The following ATG2B variants were observed in gnomAD, a reference collection of about 807,000 sequenced individuals.
ATG2B encodes the protein autophagy related 2B, also known as autophagy-related protein 2 homolog B.
A neutral mutation model predicts 241.3 loss-of-function variants in ATG2B; 121 were observed. That is an observed-to-expected ratio of 0.50 (90% CI 0.43 to 0.58). The LOEUF (loss-of-function observed/expected upper bound fraction) is 0.58. Ranked by LOEUF, ATG2B falls within the 20% of genes least tolerant of loss-of-function variation. The probability of loss-of-function intolerance (pLI) is 0.00; values close to 1 mark genes in which losing one functional copy is unlikely to be tolerated. For synonymous variants in ATG2B, 858 were observed against 876.6 expected (o/e 0.98, Z 0.37); for missense variants, 2,306 against 2,491.6 (o/e 0.93, Z 1.59).
intron 34 of ATG2B, among the ~76,000 whole-genome samples, chr14:96,301,110 T>C (rs1176230570): frequency 6.6e-6 from 1 of 152,246 alleles, no homozygotes; most frequent in Non-Finnish European, 1.5e-5. Flanking sequence ...ATATGTTATG[T>C]TATTATTAAA....
In ATG2B at chr14:96,290,008, C is replaced by A; in HGVS notation, c.5857-203G>T. ...CATAAAAGTATAAATTAATAACTAA[C>A]ACCTGGATTGAGCTAAATTTTTAGC... On this transcript the variant is annotated intron_variant, in intron 40 of 41. Coordinates refer to ENST00000359933, the MANE Select transcript of ATG2B (RefSeq NM_018036.7). This position sits in a 1 kb window ranked among gnomAD's most constrained non-coding sequence, Gnocchi z 4.4. The A allele has an allele frequency of 2.3e-6, 2 of 871,816 alleles. No individual in the cohort carries two copies. The highest frequency in any genetic ancestry group is 1.7e-5 in the African/African-American group (1 of 58,822). 54.0% of individuals were successfully genotyped at this position (871,816 alleles called of 1,614,324 possible). A position where few individuals can be genotyped will look rare whatever the true frequency, so the allele number is the denominator to read the frequency against.
intron 1 of ATG2B, among the ~76,000 whole-genome samples, chr14:96,348,488 G>A (rs1241101759): frequency 6.6e-6 from 1 of 152,102 alleles, no homozygotes; most frequent in African/African-American, 2.4e-5. Context: ...TTCGAGACCA[G>A]CCTGGCCAAC....
chr14:96,340,076 T>TA, intron 6 of ATG2B, among the ~76,000 whole-genome samples: 1 of 114,218 alleles, frequency 8.8e-6, no homozygotes, highest in South Asian at 2.5e-4. Flanking sequence ...ATATGTGATA[T>TA]GATATATATG....
At chr14:96,308,219 A>T (rs1359551333) in intron 29 of ATG2B, among the ~76,000 whole-genome samples, 8 of 74,032 alleles carry the variant, frequency 1.1e-4, no homozygotes, top group Non-Finnish European at 2.2e-4. Context: ...TAAATACATA[A>T]ATATATATAT....
chr14:96,315,320 C>A, intron 22 of ATG2B, 64 bp downstream of exon 22: 1 of 1,586,630 alleles, frequency 6.3e-7, no homozygotes, highest in Non-Finnish European at 8.6e-7. Context: ...AATATGTTGC[C>A]TTTTATGTAA....
At position 96,282,778 on chromosome 14, in the gene ATG2B, T is replaced by A. The variant is rs776292887; in HGVS notation, c.*2977A>T. 6.6e-6 allele frequency: 1 copy of A among 152,238 alleles called. No individual in the cohort carries two copies. The highest frequency in any genetic ancestry group is 2.4e-5 in the African/African-American group (1 of 41,464). 9.4% of individuals were successfully genotyped at this position (152,238 alleles called of 1,614,324 possible). On this transcript the variant is annotated 3_prime_UTR_variant, in exon 42 of 42. Coordinates refer to ENST00000359933, the MANE Select transcript of ATG2B (RefSeq NM_018036.7). Reference sequence around the variant, plus strand: ...TACAGAACATCGTTTTTAAAGGAGATAGTTAAAAAGTAATGCCCTAAAAGC... The same window carrying A: ...TACAGAACATCGTTTTTAAAGGAGAAAGTTAAAAAGTAATGCCCTAAAAGC...
chr14:96,316,564 A>T lies in ATG2B; in HGVS notation c.3330T>A (p.Leu1110=). 6.2e-7 allele frequency: 1 copy of T among 1,613,700 alleles called. No homozygotes were observed. The highest frequency in any genetic ancestry group is 8.5e-7 in the Non-Finnish European group (1 of 1,179,840). The change falls in exon 21 of 42, where the codon CTT becomes CTA. Residue 1110 remains leucine (L), a synonymous_variant. Coordinates refer to ENST00000359933, the MANE Select transcript of ATG2B (RefSeq NM_018036.7). ...GGTACAGACTGAAACTGCTAGAATG[A>T]AGGCAAATGTAGTGCTTGTCATCAA... ...EGFDDKHYIC[L]HSSSFSLYHK...
chr14:96,295,469 A>G lies in ATG2B; in HGVS notation c.5218+13T>C, dbSNP rs1886611394. On this transcript the variant is annotated intron_variant, in intron 35 of 41. Coordinates refer to ENST00000359933, the MANE Select transcript of ATG2B (RefSeq NM_018036.7). Reference sequence around the variant, plus strand: ...TACTTGGTATAGTCTTTTCAACTATACATATTTAATACCTTCTGGATCTGG... The same window carrying G: ...TACTTGGTATAGTCTTTTCAACTATGCATATTTAATACCTTCTGGATCTGG... 1.3e-6 allele frequency: 2 copies of G among 1,549,644 alleles called. No individual in the cohort carries two copies. The highest frequency in any genetic ancestry group is 2.4e-5 in the South Asian group (2 of 83,724).
chr14:96,290,404 T>C lies in ATG2B; in HGVS notation c.5856+32A>G. 4 of 1,596,678 alleles carry C rather than the reference T, an allele frequency of 2.5e-6. No individual in the cohort carries two copies. Among genetic ancestry groups the C allele is most frequent in the Non-Finnish European group, 3.4e-6 (4 of 1,169,636 alleles). On this transcript the variant is annotated intron_variant, in intron 40 of 41. Transcript: ENST00000359933. This position sits in a 1 kb window ranked among gnomAD's most constrained non-coding sequence, Gnocchi z 4.4. ...ACCCAACCATTTCACAATGGCTCTT[T>C]TTGGATAGACTAAGGCAGTCTAAAA... is the stretch of plus-strand genomic sequence containing the variant.
chr14:96,347,313 T>C lies in ATG2B; in HGVS notation c.191A>G (p.Asp64Gly), dbSNP rs756511390. The C allele has an allele frequency of 6.3e-7, 1 of 1,596,758 alleles. No individual in the cohort carries two copies. The change falls in exon 2 of 42, where the codon GAT becomes GGT. Residue 64 changes from aspartate to glycine, a missense_variant. Physicochemically the swap from Asp to Gly is moderately conservative, Grantham distance 94. Coordinates refer to ENST00000359933, the MANE Select transcript of ATG2B (RefSeq NM_018036.7). ...TCCTTCAGTGACTTCTAAGGGTGCA[T>C]CTGCTGACTCCAAGATCTCATTGAG... ...WCLNEILESA[D>G]APLEVTEGFI...
chr14:96,351,608 C>T (rs141753928), intron 1 of ATG2B, among the ~76,000 whole-genome samples: 144 of 152,022 alleles, frequency 9.5e-4, no homozygotes, highest in African/African-American at 3.4e-3. Flanking sequence ...TGGTGGCCCA[C>T]GCCTTTAATC....
chr14:96,286,402 C>T (rs904841974), intron 41 of ATG2B, among the ~76,000 whole-genome samples: 4 of 152,228 alleles, frequency 2.6e-5, no homozygotes, highest in African/African-American at 9.6e-5. Flanking sequence ...TGGGAAATTA[C>T]TTAATTTGTT....
chr14:96,342,737 A>G lies in ATG2B; in HGVS notation c.744+382T>C, dbSNP rs116387374. 6.2e-3 allele frequency among the ~76,000 whole-genome samples: 938 copies of G among 151,060 alleles called. 14 individuals carry two copies. Among genetic ancestry groups the G allele is most frequent in the African/African-American group, 0.022 (892 of 41,040 alleles). ...CTCTCCAAAAAAAAAAAAAAAACAA[A>G]CATAAATGAGTTTTATGAGTTTTGT... On this transcript the variant is annotated intron_variant, in intron 5 of 41. Transcript: ENST00000359933.
At chr14:96,344,782 G>GT (rs764078759) in intron 3 of ATG2B, 26 bp from the exon 4 acceptor site, 1 of 1,105,152 alleles carries the variant, frequency 9.0e-7, no homozygotes, top group East Asian at 2.6e-5. Flanking sequence ...AATTGTCAAC[G>GT]TAAGAGACCA....
At chr14:96,320,226 C>T (rs1887423733) in intron 18 of ATG2B, among the ~76,000 whole-genome samples, 1 of 152,156 alleles carries the variant, frequency 6.6e-6, no homozygotes, top group South Asian at 2.1e-4. Flanking sequence ...GAGAACTGTT[C>T]CTATCAGTGG....
intron 6 of ATG2B, among the ~76,000 whole-genome samples, chr14:96,334,824 T>G (rs1887828673): frequency 6.6e-6 from 1 of 152,194 alleles, no homozygotes. Flanking sequence ...AATATTAAGG[T>G]AGCAATAGCA....
intron 36 of ATG2B, among the ~76,000 whole-genome samples, chr14:96,294,416 C>A (rs1445323663): frequency 1.3e-5 from 2 of 152,202 alleles, no homozygotes; most frequent in African/African-American, 4.8e-5. Context: ...GTGTGCTGTG[C>A]TCGAGCTGGC....
chr14:96,347,012 T>C (rs1888186107), intron 2 of ATG2B, among the ~76,000 whole-genome samples, 167 bp downstream of exon 2: 1 of 152,198 alleles, frequency 6.6e-6, no homozygotes, highest in Admixed American at 6.5e-5. Context: ...AAGAAACAAC[T>C]CTAAATTTGT....
intron 6 of ATG2B, among the ~76,000 whole-genome samples, chr14:96,340,060 T>C (rs1032401090): frequency 8.3e-6 from 1 of 120,602 alleles, no homozygotes; most frequent in African/African-American, 2.9e-5. Flanking sequence ...TATATGAATA[T>C]ATGCTATATG....
Sources: gnomAD v4.1 joint callset for allele counts (sites outside exome capture counted in the v4.1 genomes callset) on GRCh38, gnomAD v4.1.1 for gene constraint, Gnocchi (gnomAD v3.1) non-coding constraint, MANE v1.5 for transcripts, NCBI Gene and HGNC (gene_info 2026-07-23, HGNC 2026-07-21) for gene names.